SMYD3: variants seen among roughly 807,000 people sequenced by gnomAD.
SMYD3 encodes histone-lysine N-methyltransferase SMYD3.
Under a neutral mutation model 57.7 loss-of-function variants are expected in SMYD3, and 36 were observed. The observed-to-expected ratio is 0.62, with a 90% CI of 0.48 to 0.82. SMYD3 has a LOEUF of 0.82. SMYD3 is among the 40% of genes least tolerant of loss of function. SMYD3 has a pLI of 0.00. For synonymous variants in SMYD3, 211 were observed against 195.0 expected, an observed-to-expected ratio of 1.08 and a Z score of -0.68; for missense variants, 515 against 538.8, an observed-to-expected ratio of 0.96 and a Z score of 0.44.
At chr1:246,128,870 A>G (rs879465336) in intron 5 of SMYD3, among the ~76,000 whole-genome samples, 5 of 152,002 alleles carry the variant, frequency 3.3e-5, no homozygotes, top group Non-Finnish European at 5.9e-5. Context: ...TGGTGCGATC[A>G]CAGCTCACTG....
At chr1:246,272,167 T>C (rs1188750488) in intron 5 of SMYD3, among the ~76,000 whole-genome samples, 2 of 152,234 alleles carry the variant, frequency 1.3e-5, no homozygotes, top group Admixed American at 6.5e-5. Context: ...GTTATTAGCA[T>C]TGATAGTTTT....
intron 10 of SMYD3, among the ~76,000 whole-genome samples, chr1:245,777,667 GC>G (rs765761044): frequency 6.6e-6 from 1 of 152,192 alleles, no homozygotes; most frequent in Non-Finnish European, 1.5e-5. Context: ...CAGAGTGGAA[GC>G]CTTATAGGCT....
chr1:246,349,798 G>GA (rs1184401455), intron 2 of SMYD3, among the ~76,000 whole-genome samples: 1 of 152,034 alleles, frequency 6.6e-6, no homozygotes, highest in African/African-American at 2.4e-5. Flanking sequence ...CTAATGAAGA[G>GA]AAAAGAAATC....
chr1:246,386,874 A>G (rs1368421428), intron 1 of SMYD3, among the ~76,000 whole-genome samples: 1 of 149,504 alleles, frequency 6.7e-6, no homozygotes, highest in Non-Finnish European at 1.5e-5. Flanking sequence ...ATGTTATACA[A>G]TGTTATACTT....
chr1:245,871,844 G>A (rs1289805585), intron 8 of SMYD3, among the ~76,000 whole-genome samples: 4 of 152,154 alleles, frequency 2.6e-5, no homozygotes, highest in Admixed American at 6.5e-5. Flanking sequence ...CCTACAGGGC[G>A]GGGACCAACA....
At chr1:246,439,553 G>A (rs568983389) in intron 1 of SMYD3, among the ~76,000 whole-genome samples, 1 of 152,186 alleles carries the variant, frequency 6.6e-6, no homozygotes, top group Admixed American at 6.5e-5. Flanking sequence ...CATGGGGCCT[G>A]TTTCTTTCCT....
intron 5 of SMYD3, among the ~76,000 whole-genome samples, chr1:246,245,849 A>T (rs2063695535): frequency 6.6e-6 from 1 of 152,210 alleles, no homozygotes; most frequent in Non-Finnish European, 1.5e-5. Flanking sequence ...ACCAAACTGT[A>T]TGAAAAGTTA....
intron 5 of SMYD3, among the ~76,000 whole-genome samples, chr1:246,140,459 G>A (rs999510791): frequency 3.3e-5 from 5 of 152,154 alleles, no homozygotes; most frequent in African/African-American, 7.2e-5. Flanking sequence ...TATTAGTACC[G>A]CTAGCAGTTA....
chr1:246,400,425 G>C (rs541428094), intron 1 of SMYD3, among the ~76,000 whole-genome samples: 2 of 152,044 alleles, frequency 1.3e-5, no homozygotes, highest in Non-Finnish European at 2.9e-5. Flanking sequence ...TTTTTGAAAT[G>C]GTGTCTTGTT....
chr1:246,286,230 G>A (rs938566224), intron 5 of SMYD3, among the ~76,000 whole-genome samples: 1 of 152,126 alleles, frequency 6.6e-6, no homozygotes, highest in African/African-American at 2.4e-5. Context: ...CTTAATAAAG[G>A]ATAATAACAA....
chr1:245,901,326 CA>C (rs1209189517), intron 8 of SMYD3, among the ~76,000 whole-genome samples: 1 of 152,120 alleles, frequency 6.6e-6, no homozygotes, highest in East Asian at 1.9e-4. Flanking sequence ...AGAAAGATAA[CA>C]ATTACGAAAG....
chr1:246,216,596 T>C lies in SMYD3; in HGVS notation c.531+110605A>G, dbSNP rs866685082. Reference sequence around the variant, plus strand: ...GTCTTTGTTTTTAGAATGCTAACAATTGATGAATCTAGGTGCTAAATTTCT... The same window carrying C: ...GTCTTTGTTTTTAGAATGCTAACAACTGATGAATCTAGGTGCTAAATTTCT... On this transcript the variant is annotated intron_variant, in intron 5 of 11. Transcript: ENST00000490107. Among the ~76,000 whole-genome samples the C allele has an allele frequency of 2.6e-5, 4 of 152,146 alleles. No homozygotes were observed. In the East Asian group the frequency reaches 5.8e-4, roughly 22 times the overall value.
chr1:245,886,875 C>T (rs2053114598), intron 8 of SMYD3, among the ~76,000 whole-genome samples: 1 of 152,140 alleles, frequency 6.6e-6, no homozygotes, highest in Non-Finnish European at 1.5e-5. Flanking sequence ...AAACCCTCTG[C>T]CCAGCATAGG....
intron 2 of SMYD3, 134 bp downstream of exon 2, chr1:246,354,897 T>A: frequency 1.3e-6 from 1 of 746,936 alleles, no homozygotes; most frequent in Non-Finnish European, 2.3e-6. Flanking sequence ...CCTGTGTGAC[T>A]CAGCAGGTGA....
rs148354511 is a variant in SMYD3, at chr1:246,350,869, A to G, written c.228+4162T>C. Among the ~76,000 whole-genome samples, 28 of 152,318 alleles carry G rather than the reference A, an allele frequency of 1.8e-4. 1 individual carries two copies. In the East Asian group the frequency reaches 4.2e-3, roughly 23 times the overall value. ...TGTGGAGGTCAAAAACTGAAATACG[A>G]CCAAATCGTTTTAAACTTCATGTAG... On this transcript the variant is annotated intron_variant, in intron 2 of 11. Coordinates refer to ENST00000490107, the MANE Select transcript of SMYD3 (RefSeq NM_001167740.2).
At chr1:245,943,209 G>GTTT (rs58081595) in intron 5 of SMYD3, among the ~76,000 whole-genome samples, 52 of 115,354 alleles carry the variant, frequency 4.5e-4, no homozygotes, top group East Asian at 4.5e-3. Flanking sequence ...CAGGGGCTGA[G>GTTT]TTTTTTTTTT....
intron 7 of SMYD3, among the ~76,000 whole-genome samples, chr1:245,921,576 T>TATATATATATATATATAC (rs2055959339): frequency 6.8e-6 from 1 of 147,532 alleles, no homozygotes; most frequent in Admixed American, 6.7e-5. Flanking sequence ...TATATACACA[T>TATATATATATATATATAC]ACCATGGAAT....
Position 246,387,207 on chromosome 1 carries a change from C to A in SMYD3, c.165-32113G>T, listed in dbSNP as rs192691450. On this transcript the variant is annotated intron_variant, in intron 1 of 11. Coordinates refer to ENST00000490107, the MANE Select transcript of SMYD3 (RefSeq NM_001167740.2). Reference sequence around the variant, plus strand: ...GGCAACGTACTTAGCATATGGTATACGGTATGAGCTTTAGACATGGACTGA... The same window carrying A: ...GGCAACGTACTTAGCATATGGTATAAGGTATGAGCTTTAGACATGGACTGA... Among the ~76,000 whole-genome samples the A allele has an allele frequency of 1.5e-4, 23 of 152,270 alleles. No homozygotes were observed. In the East Asian group the frequency reaches 4.0e-3, roughly 27 times the overall value.
chr1:245,998,167 T>C (rs1000886394), intron 5 of SMYD3, among the ~76,000 whole-genome samples: 1 of 152,088 alleles, frequency 6.6e-6, no homozygotes, highest in African/African-American at 2.4e-5. Context: ...TCAAAAGAAA[T>C]AAAGATAAGG....
Sources: gnomAD v4.1 joint callset for allele counts (sites outside exome capture counted in the v4.1 genomes callset) on GRCh38, gnomAD v4.1.1 for gene constraint, MANE v1.5 for transcripts, NCBI Gene and HGNC (gene_info 2026-07-23, HGNC 2026-07-21) for gene names.